Variants in MRTFA observed in about 807,000 individuals in gnomAD.
MRTFA encodes the protein myocardin-related transcription factor A.
MRTFA carries 20 observed loss-of-function variants against 83.5 expected under a neutral mutation model. That is an observed-to-expected ratio of 0.24 (90% CI 0.17 to 0.35). MRTFA has a LOEUF of 0.35. Ranked by LOEUF, MRTFA falls within the 10% of genes least tolerant of loss-of-function variation. The probability of loss-of-function intolerance (pLI) is 1.00; values close to 1 mark genes in which losing one functional copy is unlikely to be tolerated. For missense variants in MRTFA, 1,200 were observed against 1,224.7 expected, an observed-to-expected ratio of 0.98 and a Z score of 0.30; for synonymous variants, 659 against 541.2, an observed-to-expected ratio of 1.22 and a Z score of -3.02.
intron 2 of MRTFA, among the ~76,000 whole-genome samples, chr22:40,571,040 A>AG (rs1181427852): frequency 1.7e-5 from 2 of 116,742 alleles, no homozygotes; most frequent in African/African-American, 6.1e-5. Flanking sequence ...AAAAAAAAAA[A>AG]AAAAAAAAAA....
intron 3 of MRTFA, among the ~76,000 whole-genome samples, chr22:40,535,071 C>G (rs1475872494): frequency 6.6e-6 from 1 of 152,148 alleles, no homozygotes; most frequent in East Asian, 1.9e-4. Flanking sequence ...CAGAAAAGCT[C>G]TATATAGAAC....
chr22:40,420,063 A>G (rs2147071517), intron 11 of MRTFA, among the ~76,000 whole-genome samples: 1 of 152,306 alleles, frequency 6.6e-6, no homozygotes, highest in South Asian at 2.1e-4. Flanking sequence ...CAGCCTGACC[A>G]TCCTCAAAGG....
intron 3 of MRTFA, among the ~76,000 whole-genome samples, chr22:40,518,637 C>CA (rs996326699): frequency 1.1e-4 from 16 of 150,950 alleles, no homozygotes; most frequent in Non-Finnish European, 2.2e-4. Context: ...ACTAAAAATA[C>CA]AAAAAAAATT....
At chr22:40,543,955 A>C (rs898102564) in intron 3 of MRTFA, among the ~76,000 whole-genome samples, 1 of 152,246 alleles carries the variant, frequency 6.6e-6, no homozygotes, top group African/African-American at 2.4e-5. Context: ...TATCGTAATT[A>C]AAACTGTGAG....
chr22:40,508,124 C>T (rs959939667), intron 3 of MRTFA, among the ~76,000 whole-genome samples: 3 of 152,044 alleles, frequency 2.0e-5, no homozygotes, highest in South Asian at 2.1e-4. Context: ...CAATTAGATT[C>T]GTCCCCAATT....
chr22:40,531,334 C>T (rs2055078721), intron 3 of MRTFA, among the ~76,000 whole-genome samples: 2 of 149,048 alleles, frequency 1.3e-5, no homozygotes, highest in Admixed American at 6.8e-5. Flanking sequence ...AGCGATCCTC[C>T]TGCCTCAGCC....
chr22:40,532,359 G>C (rs754731341), intron 3 of MRTFA, among the ~76,000 whole-genome samples: 5 of 152,188 alleles, frequency 3.3e-5, no homozygotes, highest in Non-Finnish European at 7.3e-5. Context: ...ACACATAGCA[G>C]AGAACTGGAA....
At position 40,416,691 on chromosome 22, in the gene MRTFA, T is replaced by A. The variant is rs566280537; in HGVS notation, c.2578+295A>T. Reference sequence around the variant, plus strand: ...TTCCATATGATCTGCTTATTTCTTATATTTGTTGTCCACCTCCCCAGGCTG... The same window carrying A: ...TTCCATATGATCTGCTTATTTCTTAAATTTGTTGTCCACCTCCCCAGGCTG... On this transcript the variant is annotated intron_variant, in intron 14 of 14. Coordinates refer to ENST00000355630, the MANE Select transcript of MRTFA (RefSeq NM_020831.6). This position sits in a 1 kb window ranked among gnomAD's most constrained non-coding sequence, Gnocchi z 4.2. 1.6e-4 allele frequency among the ~76,000 whole-genome samples: 25 copies of A among 152,372 alleles called. No homozygotes were observed. In the South Asian group the frequency reaches 5.2e-3, roughly 32 times the overall value.
intron 4 of MRTFA, among the ~76,000 whole-genome samples, chr22:40,437,622 G>C (rs1261244376): frequency 6.6e-6 from 1 of 152,016 alleles, no homozygotes. Context: ...TTTTGTACAG[G>C]CATGGTAGAG....
intron 2 of MRTFA, among the ~76,000 whole-genome samples, chr22:40,592,500 T>G (rs2050919139): frequency 6.6e-6 from 1 of 150,946 alleles, no homozygotes; most frequent in Non-Finnish European, 1.5e-5. Context: ...TTCTTTTTTT[T>G]TTTTTGGAGA....
At chr22:40,437,107 G>C (rs2053185961) in intron 4 of MRTFA, among the ~76,000 whole-genome samples, 1 of 152,160 alleles carries the variant, frequency 6.6e-6, no homozygotes, top group Non-Finnish European at 1.5e-5. Flanking sequence ...GGGAGCTCTA[G>C]ATTTAACAAA....
At chr22:40,537,782 C>T (rs1325209020) in intron 3 of MRTFA, among the ~76,000 whole-genome samples, 8 of 31,196 alleles carry the variant, frequency 2.6e-4, no homozygotes, top group Admixed American at 3.6e-4. Flanking sequence ...GGGTCAGCCC[C>T]CCGCCTGGCC....
intron 4 of MRTFA, among the ~76,000 whole-genome samples, chr22:40,450,298 T>C (rs1157324738): frequency 6.6e-6 from 1 of 152,194 alleles, no homozygotes; most frequent in Non-Finnish European, 1.5e-5. Context: ...AGGGTTATTA[T>C]GACAGAAGAA....
intron 4 of MRTFA, among the ~76,000 whole-genome samples, chr22:40,455,784 A>T (rs907910826): frequency 2.3e-4 from 34 of 146,184 alleles, no homozygotes; most frequent in African/African-American, 7.8e-4. Context: ...ACAACAACAA[A>T]AAGATCCCAT....
Position 40,545,009 on chromosome 22 carries a change from T to TTA in MRTFA, c.241+7095_241+7096dup, listed in dbSNP as rs993206272. On this transcript the variant is annotated intron_variant, in intron 3 of 14. Transcript: ENST00000355630. ...CGGAAAGTGATTTCTTTTACCAATT[T>TTA]TATATATATACATAAAATCATTGGT... Among the ~76,000 whole-genome samples the TTA allele has an allele frequency of 7.9e-5, 12 of 151,056 alleles. No individual in the cohort carries two copies. The South Asian group carries it at 1.5e-3, about 18-fold the overall frequency.
In MRTFA at chr22:40,420,581, G is replaced by A; in HGVS notation, c.1182-5C>T. ...CCCAGGGCCTCGCCTGCTGACCTGG[G>A]AAGAAAAGGCAGAAATTAGCCCCAT... is the stretch of plus-strand genomic sequence containing the variant. On this transcript the variant is annotated splice_polypyrimidine_tract_variant and splice_region_variant and intron_variant, in intron 10 of 14. Transcript: ENST00000355630. 6.2e-6 allele frequency: 10 copies of A among 1,612,622 alleles called. No individual in the cohort carries two copies. The highest frequency in any genetic ancestry group is 8.5e-6 in the Non-Finnish European group (10 of 1,179,700).
intron 3 of MRTFA, among the ~76,000 whole-genome samples, chr22:40,536,999 T>C (rs2055191265): frequency 3.0e-5 from 2 of 67,660 alleles, no homozygotes; most frequent in South Asian, 4.2e-4. Flanking sequence ...AGCCACCCCG[T>C]CCGGGAGGGA....
intron 4 of MRTFA, among the ~76,000 whole-genome samples, chr22:40,441,831 T>C (rs112785404): frequency 0.019 from 2,869 of 147,848 alleles, 71 homozygotes; most frequent in African/African-American, 0.056. Context: ...TATATATATA[T>C]ACACACACAC....
At chr22:40,564,795 G>A (rs1452308869) in intron 2 of MRTFA, among the ~76,000 whole-genome samples, 1 of 152,092 alleles carries the variant, frequency 6.6e-6, no homozygotes, top group African/African-American at 2.4e-5. Flanking sequence ...GAGACTACAG[G>A]CACACGCCGC....
Sources: gnomAD v4.1 joint callset for allele counts (sites outside exome capture counted in the v4.1 genomes callset) on GRCh38, gnomAD v4.1.1 for gene constraint, Gnocchi (gnomAD v3.1) non-coding constraint, MANE v1.5 for transcripts, NCBI Gene and HGNC (gene_info 2026-07-23, HGNC 2026-07-21) for gene names.